NMS: variants seen among roughly 807,000 people sequenced by gnomAD.
The protein encoded by NMS is neuromedin-S.
A neutral mutation model predicts 32.2 loss-of-function variants in NMS; 30 were observed. That is an observed-to-expected ratio of 0.93 (90% CI 0.70 to 1.26). NMS has a LOEUF of 1.26. Among genes scored for constraint, NMS ranks in the 50% most tolerant of loss-of-function variants. The probability of loss-of-function intolerance (pLI) is 0.00; values close to 1 mark genes in which losing one functional copy is unlikely to be tolerated. For missense variants in NMS, 190 were observed against 186.3 expected (o/e 1.02, Z -0.12); for synonymous variants, 76 against 58.5 (o/e 1.30, Z -1.37).
chr2:100,477,187 T>A, intron 3 of NMS, 57 bp from the exon 4 acceptor site: 3 of 1,461,878 alleles, frequency 2.1e-6, no homozygotes, highest in African/African-American at 2.8e-5. Flanking sequence ...GAAAACGTTA[T>A]CCGTTACCTG....
intron 1 of NMS, 108 bp downstream of exon 1, chr2:100,470,672 C>G (rs150623769): frequency 1.4e-5 from 12 of 854,410 alleles, no homozygotes; most frequent in African/African-American, 5.0e-5. Context: ...TATTCTCCCC[C>G]GCCAGACCTT....
At chr2:100,479,880 A>G (rs1253481535) in intron 6 of NMS, among the ~76,000 whole-genome samples, 1 of 152,232 alleles carries the variant, frequency 6.6e-6, no homozygotes, top group Non-Finnish European at 1.5e-5. Context: ...GAACCTTTTC[A>G]ATGGTAATCA....
intron 3 of NMS, among the ~76,000 whole-genome samples, chr2:100,476,765 C>G (rs1178222321): frequency 6.6e-6 from 1 of 152,140 alleles, no homozygotes; most frequent in Admixed American, 6.5e-5. Flanking sequence ...GGTGCGTGCA[C>G]TGGCAAGGAT....
Position 100,482,321 on chromosome 2 carries a change from C to T in NMS, c.449+10C>T, listed in dbSNP as rs1399977449. 3 of 1,613,172 alleles carry T rather than the reference C, an allele frequency of 1.9e-6. No homozygotes were observed. Among genetic ancestry groups the T allele is most frequent in the East Asian group, 2.2e-5 (1 of 44,868 alleles). ...TTGAAGATGAGGCCCAGTAGGTAGT[C>T]CAAGATCAGCTTCATCACCCTTTTT... On this transcript the variant is annotated intron_variant, in intron 9 of 9. Coordinates refer to ENST00000376865, the MANE Select transcript of NMS (RefSeq NM_001011717.1).
chr2:100,482,078 C>T (rs887194433), intron 8 of NMS, among the ~76,000 whole-genome samples, 199 bp from the exon 9 acceptor site: 8 of 152,144 alleles, frequency 5.3e-5, no homozygotes, highest in Non-Finnish European at 1.0e-4. Context: ...CAGTGAGGTT[C>T]CTGGAGCACT....
intron 2 of NMS, 115 bp downstream of exon 2, chr2:100,472,965 C>T: frequency 1.6e-6 from 1 of 629,392 alleles, no homozygotes; most frequent in South Asian, 2.6e-5. Flanking sequence ...GCAGCAGAAA[C>T]TCACTGTTGC....
intron 6 of NMS, 121 bp from the exon 7 acceptor site, chr2:100,480,375 C>T: frequency 2.0e-6 from 2 of 1,008,772 alleles, no homozygotes; most frequent in Non-Finnish European, 3.0e-6. Context: ...TCCACCTCCT[C>T]TTTTGCACCA....
chr2:100,476,741 C>A (rs1022059056), intron 3 of NMS, among the ~76,000 whole-genome samples: 1 of 152,200 alleles, frequency 6.6e-6, no homozygotes, highest in African/African-American at 2.4e-5. Context: ...ATCATCTACG[C>A]AAGCCAGGGC....
At chr2:100,476,272 A>G (rs989344946) in intron 3 of NMS, among the ~76,000 whole-genome samples, 8 of 152,200 alleles carry the variant, frequency 5.3e-5, no homozygotes, top group Non-Finnish European at 8.8e-5. Context: ...TCTGCTAGTT[A>G]AAAATGGTGA....
chr2:100,480,946 C>T (rs1677205361), intron 7 of NMS, among the ~76,000 whole-genome samples, 180 bp from the exon 8 acceptor site: 1 of 152,102 alleles, frequency 6.6e-6, no homozygotes, highest in African/African-American at 2.4e-5. Flanking sequence ...CTTGGCCCCA[C>T]CCCCAAAGAT....
intron 1 of NMS, 62 bp downstream of exon 1, chr2:100,470,626 T>C: frequency 1.5e-6 from 2 of 1,336,096 alleles, no homozygotes; most frequent in Non-Finnish European, 2.2e-6. Flanking sequence ...AGACAGACCT[T>C]GATCCCCCAG....
intron 5 of NMS, among the ~76,000 whole-genome samples, chr2:100,477,819 C>T (rs529345523): frequency 3.3e-5 from 5 of 152,090 alleles, no homozygotes; most frequent in African/African-American, 7.2e-5. Flanking sequence ...GAACATCTTC[C>T]GTGGCTGTCG....
chr2:100,474,166 C>T (rs926364068), intron 3 of NMS, among the ~76,000 whole-genome samples: 1 of 152,068 alleles, frequency 6.6e-6, no homozygotes, highest in African/African-American at 2.4e-5. Context: ...CTCTATCTCA[C>T]CAAAATGAAA....
At chr2:100,473,341 G>T (rs551938001) in intron 2 of NMS, 148 bp from the exon 3 acceptor site, 4 of 347,444 alleles carry the variant, frequency 1.2e-5, no homozygotes, top group Non-Finnish European at 2.2e-5. Flanking sequence ...ATATCCCATA[G>T]ATTATGGTTT....
At chr2:100,481,225 T>C in intron 8 of NMS, 58 bp downstream of exon 8, 1 of 1,517,912 alleles carries the variant, frequency 6.6e-7, no homozygotes, top group East Asian at 2.3e-5. Context: ...GCCATCCCAA[T>C]CATGGAGTGA....
At chr2:100,471,336 C>G (rs908454079) in intron 1 of NMS, among the ~76,000 whole-genome samples, 11 of 152,200 alleles carry the variant, frequency 7.2e-5, no homozygotes, top group African/African-American at 1.2e-4. Context: ...ACAGAGAAAA[C>G]ATATTTCAAA....
chr2:100,480,183 T>C (rs998336991), intron 6 of NMS, among the ~76,000 whole-genome samples: 15 of 152,208 alleles, frequency 9.9e-5, no homozygotes, highest in Non-Finnish European at 1.8e-4. Context: ...AAATGGCTAA[T>C]CCTTTAAAAG....
In NMS at chr2:100,472,843, A is replaced by G; in HGVS notation, c.125A>G (p.Gln42Arg). The change falls in exon 2 of 10, where the codon CAG (glutamine) becomes CGG (arginine). Residue 42 changes from glutamine (Q) to arginine (R), a missense_variant. Gln to Arg is a conservative substitution (Grantham distance 43). Coordinates refer to ENST00000376865, the MANE Select transcript of NMS (RefSeq NM_001011717.1). ...CCTTCAGATGGCTTGGATATTGTGC[A>G]GCTTGAGGTACCCAATTATTCAGTA... is the stretch of plus-strand genomic sequence containing the variant. ...ADPSDGLDIVQLEQLAYCLSQ... is the reference protein window; with the variant it reads ...ADPSDGLDIVRLEQLAYCLSQ... 6.2e-7 allele frequency: 1 copy of G among 1,606,330 alleles called. No homozygotes were observed. Among genetic ancestry groups the G allele is most frequent in the Non-Finnish European group, 8.5e-7 (1 of 1,173,322 alleles).
At chr2:100,479,062 G>A (rs1677165302) in intron 5 of NMS, among the ~76,000 whole-genome samples, 1 of 152,158 alleles carries the variant, frequency 6.6e-6, no homozygotes. Context: ...CTAGGACAAG[G>A]CGCTCCGCTC....
Sources: allele counts gnomAD v4.1 joint callset (sites outside exome capture counted in the v4.1 genomes callset), GRCh38; gene constraint gnomAD v4.1.1; transcripts MANE v1.5; gene names NCBI Gene and HGNC (gene_info 2026-07-23, HGNC 2026-07-21).